ITGA9: variants seen among roughly 807,000 people sequenced by gnomAD.
ITGA9 encodes the protein integrin subunit alpha 9.
A neutral mutation model predicts 127.8 loss-of-function variants in ITGA9; 56 were observed. The ratio of observed to expected loss-of-function variants is 0.44; its 90% confidence interval spans 0.35 to 0.55. The LOEUF (loss-of-function observed/expected upper bound fraction) is 0.55, where lower values mean the gene tolerates loss of function less well. ITGA9 is among the 20% of genes least tolerant of loss of function. ITGA9 has a pLI of 0.00. For synonymous variants in ITGA9, 508 were observed against 514.5 expected, an observed-to-expected ratio of 0.99 and a Z score of 0.17; for missense variants, 1,196 against 1,347.1, an observed-to-expected ratio of 0.89 and a Z score of 1.76.
intron 4 of ITGA9, among the ~76,000 whole-genome samples, chr3:37,483,034 G>T (rs1343748704): frequency 1.3e-5 from 2 of 152,150 alleles, no homozygotes; most frequent in Non-Finnish European, 2.9e-5. Flanking sequence ...TCCTAAGGAA[G>T]AAAAAGGAAA....
At chr3:37,552,387 C>T (rs1699386718) in intron 15 of ITGA9, among the ~76,000 whole-genome samples, 1 of 141,342 alleles carries the variant, frequency 7.1e-6, no homozygotes, top group Admixed American at 6.7e-5. Flanking sequence ...TTATTTATTT[C>T]TTATTTTATA....
chr3:37,713,781 C>T (rs985272000), intron 18 of ITGA9, among the ~76,000 whole-genome samples: 1 of 152,242 alleles, frequency 6.6e-6, no homozygotes, highest in African/African-American at 2.4e-5. Flanking sequence ...CTGGCCAGCC[C>T]TAAAGGCCCG....
At chr3:37,472,530 C>T (rs1248424520) in intron 2 of ITGA9, among the ~76,000 whole-genome samples, 1 of 152,032 alleles carries the variant, frequency 6.6e-6, no homozygotes, top group Non-Finnish European at 1.5e-5. Flanking sequence ...TCCCGAGTAG[C>T]TGGGATTACA....
chr3:37,790,093 T>C, intron 26 of ITGA9: 4 of 555,160 alleles, frequency 7.2e-6, no homozygotes, highest in Non-Finnish European at 3.5e-6. Flanking sequence ...TGTCAGTGCT[T>C]CTACAATGGA....
intron 13 of ITGA9, 42 bp from the exon 14 acceptor site, chr3:37,533,272 C>T: frequency 6.2e-7 from 1 of 1,601,916 alleles, no homozygotes; most frequent in East Asian, 2.2e-5. Flanking sequence ...CTGAGAGCTG[C>T]TCCTTACCAC....
At chr3:37,492,536 G>A (rs1354309403) in intron 4 of ITGA9, among the ~76,000 whole-genome samples, 2 of 152,228 alleles carry the variant, frequency 1.3e-5, no homozygotes, top group African/African-American at 2.4e-5. Context: ...ACCACACCAA[G>A]TACAGTTTGG....
chr3:37,553,622 TC>T (rs1037267184), intron 15 of ITGA9, among the ~76,000 whole-genome samples: 1 of 152,244 alleles, frequency 6.6e-6, no homozygotes, highest in Non-Finnish European at 1.5e-5. Context: ...TTAGTTGCCA[TC>T]CCCAAAAGGG....
intron 15 of ITGA9, among the ~76,000 whole-genome samples, chr3:37,586,115 C>T (rs933582587): frequency 1.3e-5 from 2 of 152,184 alleles, no homozygotes; most frequent in African/African-American, 2.4e-5. Context: ...TCTTTCTGAG[C>T]TTGTTTTGTC....
chr3:37,764,815 T>C lies in ITGA9; in HGVS notation c.2542-12577T>C, dbSNP rs571546358. On this transcript the variant is annotated intron_variant, in intron 23 of 27. Transcript: ENST00000264741. ...GCACCTGCCTTTGCTGAGAACACTG[T>C]TCCCTCCAATCTTTGCATAGCTGGC... is the stretch of plus-strand genomic sequence containing the variant. 3.9e-5 allele frequency among the ~76,000 whole-genome samples: 6 copies of C among 152,348 alleles called. No individual in the cohort carries two copies. The South Asian group carries it at 1.2e-3, about 32-fold the overall frequency.
chr3:37,476,435 G>T (rs996670418), intron 3 of ITGA9, among the ~76,000 whole-genome samples: 1 of 151,878 alleles, frequency 6.6e-6, no homozygotes, highest in African/African-American at 2.4e-5. Flanking sequence ...GCATCTCCCT[G>T]ATGATTAGTA....
chr3:37,705,607 G>A (rs1700995660), intron 18 of ITGA9, among the ~76,000 whole-genome samples: 1 of 152,186 alleles, frequency 6.6e-6, no homozygotes, highest in African/African-American at 2.4e-5. Flanking sequence ...TTCAGCTCGG[G>A]GTTACCACGT....
chr3:37,512,120 C>CTTTTTCTTTTCT (rs60763846), intron 8 of ITGA9, among the ~76,000 whole-genome samples: 4 of 39,466 alleles, frequency 1.0e-4, no homozygotes, highest in African/African-American at 4.8e-4. Context: ...TTCCTTCCTT[C>CTTTTTCTTTTCT]TTTCTTTTCT....
intron 5 of ITGA9, among the ~76,000 whole-genome samples, chr3:37,495,273 C>T: frequency 6.6e-6 from 1 of 152,174 alleles, no homozygotes; most frequent in East Asian, 1.9e-4. Flanking sequence ...GTTTTACACA[C>T]AACTCTAACC....
At chr3:37,736,798 T>G in intron 19 of ITGA9, 106 bp from the exon 20 acceptor site, 1 of 789,408 alleles carries the variant, frequency 1.3e-6, no homozygotes, top group South Asian at 1.4e-5. Context: ...AACTAAAGCT[T>G]ATCATGCAAA....
rs747663933 is a variant in ITGA9, at chr3:37,513,777, C to T, written c.912C>T (p.Phe304=). The T allele has an allele frequency of 6.8e-6, 11 of 1,613,936 alleles. No homozygotes were observed. Among genetic ancestry groups the T allele is most frequent in the African/African-American group, 4.0e-5 (3 of 74,910 alleles). The change falls in exon 9 of 28, where the codon TTC becomes TTT. Residue 304 remains phenylalanine, a synonymous_variant. Coordinates refer to ENST00000264741, the MANE Select transcript of ITGA9 (RefSeq NM_002207.3). ...CTTGGTTGCAGATGGGCTCTTACTTCGGCTCCTCCTTGTGCGCAGTTGACC... is the reference window on the plus strand; with the variant it reads ...CTTGGTTGCAGATGGGCTCTTACTTTGGCTCCTCCTTGTGCGCAGTTGACC... ...QASGKKMGSY[F]GSSLCAVDLN...
intron 15 of ITGA9, among the ~76,000 whole-genome samples, chr3:37,579,722 CT>C (rs1176958690): frequency 2.0e-5 from 3 of 152,252 alleles, no homozygotes; most frequent in African/African-American, 7.2e-5. Flanking sequence ...GCCAAATATT[CT>C]GTTTATAATA....
chr3:37,774,677 G>C (rs1048011260), intron 23 of ITGA9, among the ~76,000 whole-genome samples: 7 of 151,392 alleles, frequency 4.6e-5, no homozygotes, highest in African/African-American at 1.7e-4. Context: ...CAGTGAGCTG[G>C]ACTACTGTAC....
intron 23 of ITGA9, among the ~76,000 whole-genome samples, chr3:37,752,245 A>G (rs996922752): frequency 2.6e-5 from 4 of 152,184 alleles, no homozygotes; most frequent in Non-Finnish European, 4.4e-5. Context: ...CTTTGGCCTT[A>G]TGGGACTTTG....
intron 23 of ITGA9, among the ~76,000 whole-genome samples, chr3:37,761,211 A>G (rs1696719640): frequency 6.6e-6 from 1 of 152,238 alleles, no homozygotes; most frequent in African/African-American, 2.4e-5. Context: ...AATCTAAAAA[A>G]TTGTTAAGAT....
Sources: allele counts gnomAD v4.1 joint callset (sites outside exome capture counted in the v4.1 genomes callset), GRCh38; gene constraint gnomAD v4.1.1; transcripts MANE v1.5; gene names NCBI Gene and HGNC (gene_info 2026-07-23, HGNC 2026-07-21).